Variants in TBC1D24 observed in about 807,000 individuals in gnomAD.
TBC1D24 encodes the protein TBC1 domain family member 24.
Under a neutral mutation model 50.7 loss-of-function variants are expected in TBC1D24, and 47 were observed. That is an observed-to-expected ratio of 0.93 (90% confidence interval 0.73 to 1.18). The LOEUF is 1.18. Ranked by LOEUF, TBC1D24 falls within the 50% of genes most tolerant of loss-of-function variation. TBC1D24 has a pLI of 0.00. For synonymous variants in TBC1D24, 324 were observed against 335.2 expected, an observed-to-expected ratio of 0.97 and a Z score of 0.36; for missense variants, 688 against 766.5, an observed-to-expected ratio of 0.90 and a Z score of 1.21.
At position 2,475,657 on chromosome 16, in the gene TBC1D24, T is replaced by C. The variant is rs1270596463; in HGVS notation, c.-116+487T>C. 6.8e-6 allele frequency among the ~76,000 whole-genome samples: 1 copy of C among 146,404 alleles called. No homozygotes were observed. The highest frequency in any genetic ancestry group is 1.5e-5 in the Non-Finnish European group (1 of 67,332). On this transcript the variant is annotated intron_variant, in intron 1 of 7. Transcript: ENST00000646147. This position sits in a 1 kb window ranked among gnomAD's most constrained non-coding sequence, Gnocchi z 4.2. ...CACACGCCCCCACCGACCACCCGCTTGGGGGTCCGCCAGCCCCCGGCCCTG... is the reference window on the plus strand; with the variant it reads ...CACACGCCCCCACCGACCACCCGCTCGGGGGTCCGCCAGCCCCCGGCCCTG...
intron 1 of TBC1D24, 44 bp from the exon 2 acceptor site, chr16:2,495,990 A>G: frequency 1.1e-6 from 1 of 912,356 alleles, no homozygotes; most frequent in Non-Finnish European, 1.7e-6. Context: ...TTAAAATGTG[A>G]ACCTTGAAAC....
At position 2,500,697 on chromosome 16, in the gene TBC1D24, G is replaced by A. The variant is rs570521724; in HGVS notation, c.1526-107G>A. The A allele has an allele frequency of 1.2e-4, 169 of 1,454,612 alleles. No homozygotes were observed. Among genetic ancestry groups the A allele is most frequent in the Non-Finnish European group, 1.5e-4 (163 of 1,088,342 alleles). 90.1% of individuals were successfully genotyped at this position (1,454,612 alleles called of 1,614,324 possible). ...GCTATGGAGGGTCAACGGTCTGTGC[G>A]GTTTCAGAGAGGCCCGTGCAGGGCA... On this transcript the variant is annotated intron_variant, in intron 7 of 7. Transcript: ENST00000646147. The surrounding 1 kb of genome is among the most constrained non-coding windows in gnomAD (Gnocchi z 8.0).
chr16:2,479,418 A>T (rs1026316009), intron 1 of TBC1D24: 2 of 151,878 alleles, frequency 1.3e-5, no homozygotes, highest in Non-Finnish European at 2.9e-5. Context: ...AGACCGAGAG[A>T]CCCAAGGCTG....
At position 2,497,014 on chromosome 16, in the gene TBC1D24, C is replaced by T. The variant is rs748759187; in HGVS notation, c.866C>T (p.Ala289Val). 15 of 1,613,696 alleles carry T rather than the reference C, an allele frequency of 9.3e-6. No individual in the cohort carries two copies. Among genetic ancestry groups the T allele is most frequent in the East Asian group, 2.2e-5 (1 of 44,902 alleles). ...TVSPEKLLEK[A>V]FAIRLFSRKE... ...TCCCCTGAGAAGCTGCTGGAGAAAG[C>T]GTTCGCCATCCGCCTCTTCTCCCGC... The change falls in exon 2 of 8, where the codon GCG becomes GTG. Residue 289 changes from alanine (A) to valine (V), a missense_variant. By Grantham distance (64) the Ala-to-Val change is moderately conservative. Transcript: ENST00000646147.
rs972950777 is a variant in TBC1D24, at chr16:2,499,030, G to T, written c.1143-327G>T. Among the ~76,000 whole-genome samples, 2 of 152,256 alleles carry T rather than the reference G, an allele frequency of 1.3e-5. No individual in the cohort carries two copies. Among genetic ancestry groups the T allele is most frequent in the African/African-American group, 4.8e-5 (2 of 41,480 alleles). Reference sequence around the variant, plus strand: ...ACCAGGGCCTCTTTGGCTCCCACATGCCTGGGCTGCGAGGATGGCCCAAAC... The same window carrying T: ...ACCAGGGCCTCTTTGGCTCCCACATTCCTGGGCTGCGAGGATGGCCCAAAC... On this transcript the variant is annotated intron_variant, in intron 4 of 7. Transcript: ENST00000646147. This position sits in a 1 kb window ranked among gnomAD's most constrained non-coding sequence, Gnocchi z 4.0.
intron 1 of TBC1D24, chr16:2,477,996 C>T (rs942641097): frequency 6.6e-6 from 1 of 152,318 alleles, no homozygotes; most frequent in Non-Finnish European, 1.5e-5. Flanking sequence ...TGGGAAAAGC[C>T]TTGAGTTCCA....
intron 2 of TBC1D24, among the ~76,000 whole-genome samples, 173 bp downstream of exon 2, chr16:2,497,286 C>G (rs1404543368): frequency 4.6e-5 from 7 of 152,238 alleles, no homozygotes; most frequent in Non-Finnish European, 1.0e-4. Flanking sequence ...CAGTTACAGC[C>G]ACAGACGAGG....
Position 2,500,493 on chromosome 16 carries a change from G to A in TBC1D24, c.1525+3G>A, listed in dbSNP as rs1434605709. 1 of 1,557,324 alleles carries A rather than the reference G, an allele frequency of 6.4e-7. No homozygotes were observed. The highest frequency in any genetic ancestry group is 8.7e-7 in the Non-Finnish European group (1 of 1,151,920). ...GGGCAGCGACTGCCTCATCGTCGGT[G>A]AGCGCCAGCAGACGGGGCTCTGGGA... On this transcript the variant is annotated splice_donor_region_variant and intron_variant, in intron 7 of 7. Transcript: ENST00000646147. This position sits in a 1 kb window ranked among gnomAD's most constrained non-coding sequence, Gnocchi z 8.0.
At position 2,487,617 on chromosome 16, in the gene TBC1D24, G is replaced by A. The variant is rs1463956308; in HGVS notation, c.-115-8417G>A. ...CTGGAGTTTGGTGCTGGAGTTTTGT[G>A]CTGGAGTTTGGTGTTGGAGTTTGGT... On this transcript the variant is annotated intron_variant, in intron 1 of 7. Transcript: ENST00000646147. This position sits in a 1 kb window ranked among gnomAD's most constrained non-coding sequence, Gnocchi z 4.1. Among the ~76,000 whole-genome samples, 1 of 149,610 alleles carries A rather than the reference G, an allele frequency of 6.7e-6. No individual in the cohort carries two copies. Among genetic ancestry groups the A allele is most frequent in the Admixed American group, 6.7e-5 (1 of 14,902 alleles).
At chr16:2,497,827 C>A in intron 3 of TBC1D24, 100 bp downstream of exon 3, 1 of 1,241,600 alleles carries the variant, frequency 8.1e-7, no homozygotes, top group Non-Finnish European at 1.1e-6. Flanking sequence ...CTCTCGTGGG[C>A]CAGCTTCAGC....
At chr16:2,490,569 T>C (rs1178383730) in intron 1 of TBC1D24, among the ~76,000 whole-genome samples, 2 of 152,216 alleles carry the variant, frequency 1.3e-5, no homozygotes, top group African/African-American at 2.4e-5. Context: ...AGACTGTTCA[T>C]GGGGTGTCAC....
chr16:2,482,292 G>A lies in TBC1D24; in HGVS notation c.-116+7122G>A, dbSNP rs1257809400. On this transcript the variant is annotated intron_variant, in intron 1 of 7. Coordinates refer to ENST00000646147, the MANE Select transcript of TBC1D24 (RefSeq NM_001199107.2). The surrounding 1 kb of genome is among the most constrained non-coding windows in gnomAD (Gnocchi z 5.2). ...GAAGTCACGGTGTGGTAGCAGGGCT[G>A]GGTGGATAAGCCAGCACCACGATGG... 1 of 152,448 alleles carries A rather than the reference G, an allele frequency of 6.6e-6. No individual in the cohort carries two copies. Among genetic ancestry groups the A allele is most frequent in the Non-Finnish European group, 1.5e-5 (1 of 68,186 alleles). 9.4% of individuals were successfully genotyped at this position (152,448 alleles called of 1,614,324 possible).
rs1271717394 is a variant in TBC1D24, at chr16:2,499,481, G to C, written c.1206+61G>C. On this transcript the variant is annotated intron_variant, in intron 5 of 7. Coordinates refer to ENST00000646147, the MANE Select transcript of TBC1D24 (RefSeq NM_001199107.2). This position sits in a 1 kb window ranked among gnomAD's most constrained non-coding sequence, Gnocchi z 4.0. ...TGGGCTCCAGGGCTGGCTCTGATGG[G>C]CTCCAGGGCTGGCTCTGATGGGCTT... 4 of 1,489,532 alleles carry C rather than the reference G, an allele frequency of 2.7e-6. No individual in the cohort carries two copies. Among genetic ancestry groups the C allele is most frequent in the Non-Finnish European group, 2.8e-6 (3 of 1,076,984 alleles). The allele number at this position is 1,489,532 out of a possible 1,614,324, so 92.3% of individuals were successfully genotyped here. A position where few individuals can be genotyped will look rare whatever the true frequency, so the allele number is the denominator to read the frequency against.
intron 1 of TBC1D24, chr16:2,484,121 G>A (rs2065631281): frequency 6.6e-6 from 1 of 152,222 alleles, no homozygotes; most frequent in Non-Finnish European, 1.5e-5. Context: ...CAGACCCCTG[G>A]TGGTCATTCT....
rs1268103839 is a variant in TBC1D24 at position 2,485,418 on chromosome 16, C to T, written c.-116+10248C>T. ...TGGACAGCTGAATAGGAGGGAGTGC[C>T]TGGAGGGCAGCACCGTGTCCCTCTC... is the stretch of plus-strand genomic sequence containing the variant. On this transcript the variant is annotated intron_variant, in intron 1 of 7. Transcript: ENST00000646147. The surrounding 1 kb of genome is among the most constrained non-coding windows in gnomAD (Gnocchi z 4.6). 4 of 152,236 alleles carry T rather than the reference C, an allele frequency of 2.6e-5. No homozygotes were observed. The highest frequency in any genetic ancestry group is 5.9e-5 in the Non-Finnish European group (4 of 68,042). The allele number at this position is 152,236 out of a possible 1,614,324, so 9.4% of individuals were successfully genotyped here.
In TBC1D24 at chr16:2,499,015, CTT is replaced by C. The variant is rs1297315893; in HGVS notation, c.1143-340_1143-339del. Among the ~76,000 whole-genome samples, 1 of 152,258 alleles carries C rather than the reference CTT, an allele frequency of 6.6e-6. No individual in the cohort carries two copies. Among genetic ancestry groups the C allele is most frequent in the Non-Finnish European group, 1.5e-5 (1 of 68,038 alleles). On this transcript the variant is annotated intron_variant, in intron 4 of 7. Coordinates refer to ENST00000646147, the MANE Select transcript of TBC1D24 (RefSeq NM_001199107.2). The surrounding 1 kb of genome is among the most constrained non-coding windows in gnomAD (Gnocchi z 4.0). ...GCGCCACGTTGGCAGACCAGGGCCTCTTTGGCTCCCACATGCCTGGGCTGCGA... is the reference window on the plus strand; with the variant it reads ...GCGCCACGTTGGCAGACCAGGGCCTCTGGCTCCCACATGCCTGGGCTGCGA...
chr16:2,494,614 G>A (rs565541722), intron 1 of TBC1D24, among the ~76,000 whole-genome samples: 9 of 152,044 alleles, frequency 5.9e-5, no homozygotes, highest in African/African-American at 2.2e-4. Context: ...ATGTTGCCCA[G>A]GCTGGTCTTG....
At position 2,495,002 on chromosome 16, in the gene TBC1D24, T is replaced by TCACA. The variant is rs527454795; in HGVS notation, c.-115-1003_-115-1000dup. On this transcript the variant is annotated intron_variant, in intron 1 of 7. Coordinates refer to ENST00000646147, the MANE Select transcript of TBC1D24 (RefSeq NM_001199107.2). ...ACCTGGGTGACAGAACAAGACCCCA[T>TCACA]CACACACACACACACACACACACAC... 2.6e-3 allele frequency among the ~76,000 whole-genome samples: 354 copies of TCACA among 138,034 alleles called. 1 individual carries two copies. Among genetic ancestry groups the TCACA allele is most frequent in the African/African-American group, 4.7e-3 (176 of 37,716 alleles). The allele number at this position is 138,034 out of a possible 152,430, so 90.6% of individuals were successfully genotyped here.
rs572625666 is a variant in TBC1D24 at position 2,485,890 on chromosome 16, C to A, written c.-115-10144C>A. 6.6e-6 allele frequency among the ~76,000 whole-genome samples: 1 copy of A among 152,218 alleles called. No individual in the cohort carries two copies. Among genetic ancestry groups the A allele is most frequent in the Non-Finnish European group, 1.5e-5 (1 of 68,028 alleles). Reference sequence around the variant, plus strand: ...GCTTCCAGGCCCTCTCAGCCACCCCCACACCGTCCCTACCATTCCCACCTG... The same window carrying A: ...GCTTCCAGGCCCTCTCAGCCACCCCAACACCGTCCCTACCATTCCCACCTG... On this transcript the variant is annotated intron_variant, in intron 1 of 7. Transcript: ENST00000646147. This position sits in a 1 kb window ranked among gnomAD's most constrained non-coding sequence, Gnocchi z 4.6.
Sources: allele counts gnomAD v4.1 joint callset (sites outside exome capture counted in the v4.1 genomes callset), GRCh38; gene constraint gnomAD v4.1.1; non-coding constraint Gnocchi (gnomAD v3.1); transcripts MANE v1.5; gene names NCBI Gene and HGNC (gene_info 2026-07-23, HGNC 2026-07-21).